MUC17: variants seen among roughly 807,000 people sequenced by gnomAD.
The protein encoded by MUC17 is mucin 17, cell surface associated, also known as mucin-17.
In MUC17, 190 loss-of-function variants were observed where a neutral mutation model predicts 170.3. The observed-to-expected ratio is 1.12, with a 90% CI of 0.99 to 1.26. The LOEUF (loss-of-function observed/expected upper bound fraction) is 1.26, where lower values mean the gene tolerates loss of function less well. Among genes scored for constraint, MUC17 ranks in the 50% most tolerant of loss-of-function variants. The pLI, the probability that MUC17 is intolerant of heterozygous loss-of-function variation, is 0.00. For synonymous variants in MUC17, 2,325 were observed against 2,002.5 expected (o/e 1.16, Z -4.30); for missense variants, 6,415 against 5,530.0 (o/e 1.16, Z -5.08).
chr7:101,037,502 C>T lies in MUC17; in HGVS notation c.6086C>T (p.Ala2029Val). ...GAAGGCAGTTCATCTCCTACAACTG[C>T]AGGAGGTACCAGCATACAAACCTCA... Reference protein sequence around the residue: ...STEGSSSPTTAGGTSIQTSTP... With the variant: ...STEGSSSPTTVGGTSIQTSTP... The change falls in exon 3 of 13, where the codon GCA (alanine) becomes GTA (valine). Residue 2029 changes from alanine to valine, a missense_variant. Physicochemically the swap from Ala to Val is moderately conservative, Grantham distance 64. Coordinates refer to ENST00000306151, the MANE Select transcript of MUC17 (RefSeq NM_001040105.2). 1.2e-6 allele frequency: 2 copies of T among 1,613,606 alleles called. No homozygotes were observed. The highest frequency in any genetic ancestry group is 4.5e-5 in the East Asian group (2 of 44,874).
intron 1 of MUC17, among the ~76,000 whole-genome samples, chr7:101,026,863 C>T (rs1794189360): frequency 6.6e-6 from 1 of 152,148 alleles, no homozygotes; most frequent in Non-Finnish European, 1.5e-5. Context: ...TACAGGCACG[C>T]ACCACCATGC....
intron 3 of MUC17, 30 bp downstream of exon 3, chr7:101,043,849 T>A (rs1395385261): frequency 6.4e-7 from 1 of 1,561,304 alleles, no homozygotes; most frequent in African/African-American, 1.4e-5. Context: ...TTCCTTTTTT[T>A]TAAAATTATA....
At chr7:101,045,401 C>CTT (rs373569733) in intron 3 of MUC17, among the ~76,000 whole-genome samples, 1,544 of 144,740 alleles carry the variant, frequency 0.011, 31 homozygotes, top group African/African-American at 0.037. Flanking sequence ...TTTTCTTTTT[C>CTT]TTTTTTTTTT....
rs556547867 is a variant in MUC17 at position 101,032,016 on chromosome 7, T to G, written c.600T>G (p.Thr200=). ...CTCAGGCAAGTTCATCTCCTACTAC[T>G]CCTGAAAGCACCACCATACCCAAAT... The part of the protein sequence containing the change: ...TSTQASSSPT[T]PESTTIPKST... The change falls in exon 3 of 13, where the codon ACT becomes ACG. Residue 200 remains threonine, a synonymous_variant. Coordinates refer to ENST00000306151, the MANE Select transcript of MUC17 (RefSeq NM_001040105.2). 6.2e-6 allele frequency: 10 copies of G among 1,614,138 alleles called. No individual in the cohort carries two copies. In the South Asian group the frequency reaches 9.9e-5, roughly 16 times the overall value.
At chr7:101,055,457 G>A (rs1188005738) in intron 11 of MUC17, among the ~76,000 whole-genome samples, 1 of 152,088 alleles carries the variant, frequency 6.6e-6, no homozygotes, top group African/African-American at 2.4e-5. Context: ...TCAATATTAG[G>A]AAATGGCTTA....
intron 4 of MUC17, 150 bp downstream of exon 4, chr7:101,048,265 TC>T: frequency 2.7e-6 from 2 of 741,260 alleles, no homozygotes; most frequent in Non-Finnish European, 1.9e-6. Context: ...TTGTTTTGTT[TC>T]CACCCAGTGC....
At position 101,042,950 on chromosome 7, in the gene MUC17, CT is replaced by C; in HGVS notation, c.11537del (p.Leu3846CysfsTer31). The C allele has an allele frequency of 6.2e-7, 1 of 1,614,148 alleles. No individual in the cohort carries two copies. ...ACACCTCCTGGTGATACCAGCACACCTTTGCTCACCTCTACCAAAGCCGGTT... is the reference window on the plus strand; with the variant it reads ...ACACCTCCTGGTGATACCAGCACACCTTGCTCACCTCTACCAAAGCCGGTT... Reference protein sequence around the residue: ...LSTPPGDTSTPLLTSTKAGSF... With the variant: ...LSTPPGDTSTXLLTSTKAGSF... On this transcript the variant is annotated frameshift_variant, in exon 3 of 13. Transcript: ENST00000306151. LOFTEE classifies it high-confidence loss of function.
Position 101,050,530 on chromosome 7 carries a change from T to C in MUC17, c.12769T>C (p.Tyr4257His). 1 of 1,613,976 alleles carries C rather than the reference T, an allele frequency of 6.2e-7. No homozygotes were observed. The highest frequency in any genetic ancestry group is 8.5e-7 in the Non-Finnish European group (1 of 1,179,964). The change falls in exon 7 of 13, where the codon TAC becomes CAC. Residue 4257 changes from tyrosine (Y) to histidine (H), a missense_variant. Physicochemically the swap from Tyr to His is moderately conservative, Grantham distance 83. Coordinates refer to ENST00000306151, the MANE Select transcript of MUC17 (RefSeq NM_001040105.2). ...GCATGACGTCCTCCTAAGAACCAAG[T>C]ACACACCAGAATACAAGACAGTATT... ...VEHDVLLRTK[Y>H]TPEYKTVLDN...
chr7:101,032,080 C>A lies in MUC17; in HGVS notation c.664C>A (p.Pro222Thr), dbSNP rs1292608163. 9 of 1,614,170 alleles carry A rather than the reference C, an allele frequency of 5.6e-6. No homozygotes were observed. Among genetic ancestry groups the A allele is most frequent in the Non-Finnish European group, 5.9e-6 (7 of 1,180,006 alleles). The change falls in exon 3 of 13, where the codon CCT (proline) becomes ACT (threonine). Residue 222 changes from proline (P) to threonine (T), a missense_variant. Pro to Thr is a conservative substitution (Grantham distance 38). Coordinates refer to ENST00000306151, the MANE Select transcript of MUC17 (RefSeq NM_001040105.2). ...AGGAAGCACTCCATTAACAAGTATG[C>A]CTGCCAGCACCATGAAGGTGGCCAG... ...SEGSTPLTSM[P>T]ASTMKVASSE...
At position 101,036,487 on chromosome 7, in the gene MUC17, C is replaced by T. The variant is rs1794483490; in HGVS notation, c.5071C>T (p.Pro1691Ser). Residue 1691 changes from proline to serine, a missense_variant, in exon 3 of 13, where the codon CCT becomes TCT. Pro to Ser is a moderately conservative substitution (Grantham distance 74, BLOSUM62 -1). Transcript: ENST00000306151. The stretch of plus-strand genomic sequence containing the variant: ...CTCAACTTATACTGAAGGAAGAACT[C>T]CTTTAACAAGTATAACTGTCAGAAC... The part of the protein sequence containing the change: ...PTSTYTEGRT[P>S]LTSITVRTTP... The T allele has an allele frequency of 6.2e-7, 1 of 1,610,796 alleles. No homozygotes were observed. Among genetic ancestry groups the T allele is most frequent in the African/African-American group, 1.3e-5 (1 of 74,698 alleles).
At position 101,035,044 on chromosome 7, in the gene MUC17, C is replaced by T. The variant is rs763315334; in HGVS notation, c.3628C>T (p.Pro1210Ser). The change falls in exon 3 of 13, where the codon CCA becomes TCA. Residue 1210 changes from proline (P) to serine (S), a missense_variant. Coordinates refer to ENST00000306151, the MANE Select transcript of MUC17 (RefSeq NM_001040105.2). ...TCCAACTGCTGAAGTTACCAGCATG[C>T]CAACCTCAACTCCTGGAGAAAGAAG... Reference protein sequence around the residue: ...PPPTAEVTSMPTSTPGERSTP... With the variant: ...PPPTAEVTSMSTSTPGERSTP... The T allele has an allele frequency of 1.9e-6, 3 of 1,614,052 alleles. No homozygotes were observed. In the African/African-American group the frequency reaches 4.0e-5, roughly 22 times the overall value.
At position 101,042,944 on chromosome 7, in the gene MUC17, G is replaced by A. The variant is rs1304235316; in HGVS notation, c.11528G>A (p.Ser3843Asn). The stretch of plus-strand genomic sequence containing the variant: ...CTTTCAACACCTCCTGGTGATACCA[G>A]CACACCTTTGCTCACCTCTACCAAA... Reference protein sequence around the residue: ...STLSTPPGDTSTPLLTSTKAG... With the variant: ...STLSTPPGDTNTPLLTSTKAG... Residue 3843 changes from serine to asparagine, a missense_variant, in exon 3 of 13, where the codon AGC becomes AAC. Transcript: ENST00000306151. 1.9e-6 allele frequency: 3 copies of A among 1,613,958 alleles called. No homozygotes were observed. The highest frequency in any genetic ancestry group is 1.7e-6 in the Non-Finnish European group (2 of 1,180,038).
intron 1 of MUC17, among the ~76,000 whole-genome samples, chr7:101,022,227 C>T (rs554755906): frequency 2.7e-5 from 4 of 145,836 alleles, no homozygotes; most frequent in South Asian, 4.4e-4. Flanking sequence ...AGTGCGGTGG[C>T]GCCATCTCAG....
chr7:101,036,541 A>G lies in MUC17; in HGVS notation c.5125A>G (p.Thr1709Ala). The G allele has an allele frequency of 6.2e-7, 1 of 1,611,290 alleles. No individual in the cohort carries two copies. Among genetic ancestry groups the G allele is most frequent in the Non-Finnish European group, 8.5e-7 (1 of 1,178,446 alleles). ...TTPVASSAIS[T>A]LSTTPVDNST... ...ACCGGTGGCCAGCTCTGCAATCAGC[A>G]CCCTTTCAACAACTCCCGTTGACAA... is the stretch of plus-strand genomic sequence containing the variant. Residue 1709 changes from threonine to alanine, a missense_variant, in exon 3 of 13, where the codon ACC becomes GCC. Physicochemically the swap from Thr to Ala is moderately conservative, Grantham distance 58 (BLOSUM62 0). Transcript: ENST00000306151.
chr7:101,031,818 A>G lies in MUC17; in HGVS notation c.402A>G (p.Glu134=). 1 of 1,613,018 alleles carries G rather than the reference A, an allele frequency of 6.2e-7. No homozygotes were observed. The highest frequency in any genetic ancestry group is 8.5e-7 in the Non-Finnish European group (1 of 1,178,948). ...CCACACTTTTCCCCAGTTCTACTGAAGACACTTCATCTCCTACAACTCCTG... is the reference window on the plus strand; with the variant it reads ...CCACACTTTTCCCCAGTTCTACTGAGGACACTTCATCTCCTACAACTCCTG... The part of the protein sequence containing the change: ...DSTTLFPSST[E]DTSSPTTPEG... Residue 134 remains glutamate, a synonymous_variant, in exon 3 of 13, where the codon GAA becomes GAG. Coordinates refer to ENST00000306151, the MANE Select transcript of MUC17 (RefSeq NM_001040105.2).
At position 101,039,251 on chromosome 7, in the gene MUC17, G is replaced by C. The variant is rs1247906456; in HGVS notation, c.7835G>C (p.Ser2612Thr). ...CCTGTCACCACTTCTACTGAAACCAGTTCATCTCCTACAACTGCAAAAGAT... is the reference window on the plus strand; with the variant it reads ...CCTGTCACCACTTCTACTGAAACCACTTCATCTCCTACAACTGCAAAAGAT... ...SIPVTTSTET[S>T]SSPTTAKDTS... The change falls in exon 3 of 13, where the codon AGT becomes ACT. Residue 2612 changes from serine (S) to threonine (T), a missense_variant. Physicochemically the swap from Ser to Thr is moderately conservative, Grantham distance 58. Coordinates refer to ENST00000306151, the MANE Select transcript of MUC17 (RefSeq NM_001040105.2). The C allele has an allele frequency of 6.2e-7, 1 of 1,613,578 alleles. No homozygotes were observed. Among genetic ancestry groups the C allele is most frequent in the African/African-American group, 1.3e-5 (1 of 74,776 alleles).
intron 3 of MUC17, among the ~76,000 whole-genome samples, chr7:101,047,503 T>C (rs183196806): frequency 8.5e-5 from 13 of 152,292 alleles, no homozygotes; most frequent in Non-Finnish European, 1.3e-4. Context: ...AACTGTCCTG[T>C]GCACCCCTGG....
chr7:101,022,964 G>A (rs1794121015), intron 1 of MUC17, among the ~76,000 whole-genome samples: 1 of 152,144 alleles, frequency 6.6e-6, no homozygotes, highest in African/African-American at 2.4e-5. Context: ...ATAAAGCACA[G>A]CAATCTCCGT....
At chr7:101,054,057 C>CAAAAAAAAAAAAAA (rs58623975) in intron 11 of MUC17, among the ~76,000 whole-genome samples, 3 of 40,354 alleles carry the variant, frequency 7.4e-5, no homozygotes, top group Non-Finnish European at 1.3e-4. Context: ...AAGACCCTGT[C>CAAAAAAAAAAAAAA]AAAAAAAAAA....
Sources: gnomAD v4.1 joint callset for allele counts (sites outside exome capture counted in the v4.1 genomes callset) on GRCh38, gnomAD v4.1.1 for gene constraint, MANE v1.5 for transcripts, NCBI Gene and HGNC (gene_info 2026-07-23, HGNC 2026-07-21) for gene names.